Variants in GRM8 observed in about 807,000 individuals in gnomAD.
The protein encoded by GRM8 is glutamate metabotropic receptor 8.
In GRM8, 47 loss-of-function variants were observed where a neutral mutation model predicts 87.2. The observed-to-expected ratio is 0.54, with a 90% CI of 0.43 to 0.69. The LOEUF is 0.69. Among genes scored for constraint, GRM8 ranks in the 30% least tolerant of loss-of-function variants. The pLI is 0.00. For synonymous variants in GRM8, 396 were observed against 404.5 expected (o/e 0.98, Z 0.25); for missense variants, 1,019 against 1,139.2 (o/e 0.89, Z 1.52).
chr7:127,107,118 T>G (rs1320765211), intron 2 of GRM8, among the ~76,000 whole-genome samples: 1 of 152,356 alleles, frequency 6.6e-6, no homozygotes, highest in Admixed American at 6.5e-5. Flanking sequence ...TTTGGCTTTA[T>G]AGGACATAAA....
chr7:127,215,393 G>C (rs1456583236), intron 2 of GRM8: 2 of 152,118 alleles, frequency 1.3e-5, no homozygotes, highest in Non-Finnish European at 2.9e-5. Flanking sequence ...TTCACTGAGG[G>C]TGTAGATCTT....
intron 2 of GRM8, chr7:127,228,316 G>A (rs1480797743): frequency 6.6e-6 from 1 of 152,192 alleles, no homozygotes; most frequent in African/African-American, 2.4e-5. Context: ...TTAGCATAGT[G>A]CCTGGCATAT....
At chr7:126,518,213 A>G (rs992303519) in intron 9 of GRM8, among the ~76,000 whole-genome samples, 26 of 152,118 alleles carry the variant, frequency 1.7e-4, no homozygotes, top group African/African-American at 6.0e-4. Flanking sequence ...GAAATAAAAA[A>G]TGAGTTTCTA....
intron 3 of GRM8, among the ~76,000 whole-genome samples, chr7:127,086,179 C>A (rs1188315857): frequency 6.6e-6 from 1 of 152,186 alleles, no homozygotes; most frequent in Non-Finnish European, 1.5e-5. Context: ...CGGCTCACTG[C>A]AACCTCCACC....
intron 2 of GRM8, among the ~76,000 whole-genome samples, chr7:127,121,224 T>C (rs975827059): frequency 6.6e-6 from 1 of 152,228 alleles, no homozygotes; most frequent in African/African-American, 2.4e-5. Flanking sequence ...CAAGCCTGCA[T>C]GTCTTGGCGA....
At chr7:127,156,898 T>G (rs1792765787) in intron 2 of GRM8, among the ~76,000 whole-genome samples, 1 of 152,080 alleles carries the variant, frequency 6.6e-6, no homozygotes, top group Non-Finnish European at 1.5e-5. Flanking sequence ...ATGGAATAAA[T>G]AGCAGAATGG....
At chr7:126,853,941 C>T (rs1797453449) in intron 6 of GRM8, among the ~76,000 whole-genome samples, 1 of 152,140 alleles carries the variant, frequency 6.6e-6, no homozygotes, top group Non-Finnish European at 1.5e-5. Context: ...CCATGCTTGC[C>T]CATCAGTGGA....
intron 2 of GRM8, among the ~76,000 whole-genome samples, chr7:127,208,798 G>C (rs1233264669): frequency 6.6e-6 from 1 of 150,444 alleles, no homozygotes; most frequent in Non-Finnish European, 1.5e-5. Context: ...TCCACCACAT[G>C]CTGCCTGTAA....
intron 2 of GRM8, among the ~76,000 whole-genome samples, chr7:127,107,271 T>A (rs1438300161): frequency 6.6e-6 from 1 of 152,298 alleles, no homozygotes. Context: ...ATAATCAGAG[T>A]GCCACAAAAA....
intron 2 of GRM8, among the ~76,000 whole-genome samples, chr7:127,150,141 T>C (rs889428700): frequency 1.4e-4 from 22 of 152,070 alleles, no homozygotes; most frequent in African/African-American, 5.1e-4. Flanking sequence ...CTTGAATATA[T>C]ACAATACAAT....
At chr7:127,027,117 A>T (rs140640284) in intron 3 of GRM8, among the ~76,000 whole-genome samples, 1,683 of 152,074 alleles carry the variant, frequency 0.011, 28 homozygotes, top group African/African-American at 0.037. Context: ...CTTGTTTTCA[A>T]CAGGTTTGTC....
intron 8 of GRM8, among the ~76,000 whole-genome samples, chr7:126,561,692 T>C (rs1306090795): frequency 1.3e-5 from 2 of 151,826 alleles, no homozygotes; most frequent in Non-Finnish European, 2.9e-5. Flanking sequence ...TTGTTACATA[T>C]GTATACATGT....
chr7:126,586,508 C>A (rs1013224482), intron 8 of GRM8, among the ~76,000 whole-genome samples: 1 of 151,970 alleles, frequency 6.6e-6, no homozygotes, highest in African/African-American at 2.4e-5. Flanking sequence ...CAGAACAGAG[C>A]CCTCAGAAAT....
intron 3 of GRM8, among the ~76,000 whole-genome samples, chr7:127,093,595 T>C (rs1241994095): frequency 6.6e-6 from 1 of 152,258 alleles, no homozygotes; most frequent in African/African-American, 2.4e-5. Context: ...GCCTTGGAAG[T>C]GTATCTGAGC....
At chr7:126,558,977 A>C (rs1248932534) in intron 8 of GRM8, among the ~76,000 whole-genome samples, 2 of 152,130 alleles carry the variant, frequency 1.3e-5, no homozygotes, top group Non-Finnish European at 2.9e-5. Context: ...CAATTAGTGA[A>C]GAGAGAGACG....
At chr7:126,465,460 C>T (rs1291298115) in intron 9 of GRM8, among the ~76,000 whole-genome samples, 1 of 151,638 alleles carries the variant, frequency 6.6e-6, no homozygotes, top group Non-Finnish European at 1.5e-5. Context: ...TCTTCTGATC[C>T]ATGAATTTTT....
chr7:126,647,632 A>G (rs1803307735), intron 7 of GRM8, among the ~76,000 whole-genome samples: 1 of 152,130 alleles, frequency 6.6e-6, no homozygotes, highest in African/African-American at 2.4e-5. Flanking sequence ...AGCATATGGA[A>G]ACACCATCCA....
At chr7:127,042,786 T>C (rs1190179696) in intron 3 of GRM8, among the ~76,000 whole-genome samples, 1 of 152,122 alleles carries the variant, frequency 6.6e-6, no homozygotes, top group Non-Finnish European at 1.5e-5. Flanking sequence ...ACTAAAGCAC[T>C]TCTGCACAGC....
At chr7:127,223,463 A>ATG (rs1298452162) in intron 2 of GRM8, among the ~76,000 whole-genome samples, 4 of 103,068 alleles carry the variant, frequency 3.9e-5, no homozygotes, top group Admixed American at 9.1e-5. Context: ...ACACACACAC[A>ATG]CACACACACA....
Sources: gnomAD v4.1 joint callset for allele counts (sites outside exome capture counted in the v4.1 genomes callset) on GRCh38, gnomAD v4.1.1 for gene constraint, MANE v1.5 for transcripts, NCBI Gene and HGNC (gene_info 2026-07-23, HGNC 2026-07-21) for gene names.